The following PDZRN4 variants were observed in gnomAD, a reference collection of about 807,000 sequenced individuals.
PDZRN4 encodes PDZ domain containing ring finger 4.
In PDZRN4, 70 loss-of-function variants were observed where a neutral mutation model predicts 99.0. The observed-to-expected ratio is 0.71, with a 90% CI of 0.58 to 0.86. PDZRN4 has a LOEUF of 0.86. Ranked by LOEUF, PDZRN4 falls within the 40% of genes least tolerant of loss-of-function variation. The pLI is 0.00. For missense variants in PDZRN4, 1,474 were observed against 1,331.2 expected (o/e 1.11, Z -1.67); for synonymous variants, 551 against 501.6 (o/e 1.10, Z -1.32).
At chr12:41,387,291 A>G (rs758453259) in intron 3 of PDZRN4, among the ~76,000 whole-genome samples, 14 of 152,214 alleles carry the variant, frequency 9.2e-5, no homozygotes, top group Non-Finnish European at 1.6e-4. Flanking sequence ...CCCCATTAAA[A>G]AAAGTGCATA....
intron 5 of PDZRN4, among the ~76,000 whole-genome samples, chr12:41,510,184 T>C (rs1938282522): frequency 6.6e-6 from 1 of 152,162 alleles, no homozygotes. Flanking sequence ...TTTTAAAATC[T>C]GTTCTATAAT....
chr12:41,496,314 G>GCAA (rs1938002673), intron 3 of PDZRN4, among the ~76,000 whole-genome samples: 1 of 152,130 alleles, frequency 6.6e-6, no homozygotes, highest in Non-Finnish European at 1.5e-5. Flanking sequence ...GAAGGAAGGA[G>GCAA]GGAGGGAAGG....
At chr12:41,374,125 T>C (rs1952062926) in intron 3 of PDZRN4, among the ~76,000 whole-genome samples, 1 of 150,088 alleles carries the variant, frequency 6.7e-6, no homozygotes, top group African/African-American at 2.4e-5. Flanking sequence ...GGACAGGTCT[T>C]TGCAGTGTTT....
chr12:41,406,968 A>G lies in PDZRN4; in HGVS notation c.844-99488A>G, dbSNP rs555743971. Among the ~76,000 whole-genome samples the G allele has an allele frequency of 1.7e-3, 263 of 152,174 alleles. 2 individuals carry two copies. The highest frequency in any genetic ancestry group is 6.0e-3 in the African/African-American group (250 of 41,538). ...AAATGCAATCCCAACCCATGTTCAT[A>G]GTTTGAATATTGCACTGACAAGAAA... On this transcript the variant is annotated intron_variant, in intron 3 of 9. Transcript: ENST00000402685.
At position 41,572,560 on chromosome 12, in the gene PDZRN4, C is replaced by T; in HGVS notation, c.1781C>T (p.Thr594Ile). 1.2e-6 allele frequency: 2 copies of T among 1,614,142 alleles called. No individual in the cohort carries two copies. Among genetic ancestry groups the T allele is most frequent in the Non-Finnish European group, 8.5e-7 (1 of 1,180,002 alleles). Residue 594 changes from threonine (T) to isoleucine (I), a missense_variant, in exon 10 of 10, where the codon ACT becomes ATT. Transcript: ENST00000402685. ...SKRDLGQSQD[T>I]LGSVELQYNE... ...AGAGACCTGGGGCAGAGCCAAGACACTCTGGGAAGTGTTGAACTTCAGTAC... is the reference window on the plus strand; with the variant it reads ...AGAGACCTGGGGCAGAGCCAAGACATTCTGGGAAGTGTTGAACTTCAGTAC...
chr12:41,273,160 G>A (rs1951326700), intron 3 of PDZRN4, among the ~76,000 whole-genome samples: 1 of 151,930 alleles, frequency 6.6e-6, no homozygotes, highest in African/African-American at 2.4e-5. Context: ...ATTCAAAAAT[G>A]TACATTTTAA....
intron 8 of PDZRN4, among the ~76,000 whole-genome samples, chr12:41,565,747 A>T (rs1426854225): frequency 1.3e-5 from 2 of 152,050 alleles, no homozygotes; most frequent in Non-Finnish European, 2.9e-5. Context: ...TCTTCCTGAG[A>T]CCATTAAAGA....
chr12:41,319,989 T>C (rs1344285155), intron 3 of PDZRN4, among the ~76,000 whole-genome samples: 1 of 152,228 alleles, frequency 6.6e-6, no homozygotes, highest in Non-Finnish European at 1.5e-5. Context: ...CTGTGCAGTA[T>C]GACTTTAGAC....
chr12:41,345,397 G>A (rs947127636), intron 3 of PDZRN4, among the ~76,000 whole-genome samples: 1 of 152,098 alleles, frequency 6.6e-6, no homozygotes, highest in South Asian at 2.1e-4. Flanking sequence ...ACTGTGGATG[G>A]TTAATACTGC....
chr12:41,394,798 T>A lies in PDZRN4; in HGVS notation c.844-111658T>A, dbSNP rs543637296. 8.4e-5 allele frequency among the ~76,000 whole-genome samples: 12 copies of A among 142,482 alleles called. No homozygotes were observed. In the South Asian group the frequency reaches 9.0e-4, roughly 11 times the overall value. 93.5% of individuals were successfully genotyped at this position (142,482 alleles called of 152,430 possible). ...GTAAATGAGAGAGAGAGAGAGAGAG[T>A]GAGTGAATGAGAAATGAGAGAGAGA... On this transcript the variant is annotated intron_variant, in intron 3 of 9. Coordinates refer to ENST00000402685, the MANE Select transcript of PDZRN4 (RefSeq NM_001164595.2).
At chr12:41,329,243 A>G (rs966454936) in intron 3 of PDZRN4, among the ~76,000 whole-genome samples, 2 of 152,100 alleles carry the variant, frequency 1.3e-5, no homozygotes, top group Admixed American at 1.3e-4. Flanking sequence ...CTTGTATTGC[A>G]CACACCCATT....
At chr12:41,308,039 A>G (rs1340769586) in intron 3 of PDZRN4, among the ~76,000 whole-genome samples, 1 of 152,178 alleles carries the variant, frequency 6.6e-6, no homozygotes, top group Non-Finnish European at 1.5e-5. Context: ...CTCCATAACC[A>G]TAGCCCTTCA....
At chr12:41,545,848 G>A (rs1247248457) in intron 5 of PDZRN4, among the ~76,000 whole-genome samples, 1 of 151,952 alleles carries the variant, frequency 6.6e-6, no homozygotes, top group East Asian at 1.9e-4. Context: ...AGCCAAGCAT[G>A]AAGAGAGAGA....
At chr12:41,341,166 A>T (rs368019211) in intron 3 of PDZRN4, among the ~76,000 whole-genome samples, 28 of 4,366 alleles carry the variant, frequency 6.4e-3, no homozygotes, top group African/African-American at 8.0e-3. Flanking sequence ...CTTTCATGAT[A>T]AAAAAAAAAA....
chr12:41,343,197 T>G (rs1003321439), intron 3 of PDZRN4, among the ~76,000 whole-genome samples: 1 of 152,050 alleles, frequency 6.6e-6, no homozygotes, highest in Non-Finnish European at 1.5e-5. Context: ...TTCCAGGAAT[T>G]TATCCATTTC....
chr12:41,471,012 A>G (rs1447283843), intron 3 of PDZRN4, among the ~76,000 whole-genome samples: 2 of 152,200 alleles, frequency 1.3e-5, no homozygotes, highest in African/African-American at 4.8e-5. Flanking sequence ...ACATAAAATC[A>G]TCTAGCTCCA....
intron 3 of PDZRN4, among the ~76,000 whole-genome samples, chr12:41,470,330 CT>C (rs1952974206): frequency 6.6e-6 from 1 of 152,108 alleles, no homozygotes; most frequent in Non-Finnish European, 1.5e-5. Flanking sequence ...AAAAAATTAA[CT>C]TGGTATTGGA....
At chr12:41,487,491 TAG>T (rs1937799217) in intron 3 of PDZRN4, among the ~76,000 whole-genome samples, 1 of 152,124 alleles carries the variant, frequency 6.6e-6, no homozygotes. Flanking sequence ...CAGCTCTAAA[TAG>T]AATAGAAGTT....
intron 3 of PDZRN4, among the ~76,000 whole-genome samples, chr12:41,268,169 A>T (rs1360011891): frequency 6.6e-6 from 1 of 152,170 alleles, no homozygotes; most frequent in African/African-American, 2.4e-5. Context: ...ATACCAGGTA[A>T]TTAACATATT....
Sources: gnomAD v4.1 joint callset for allele counts (sites outside exome capture counted in the v4.1 genomes callset) on GRCh38, gnomAD v4.1.1 for gene constraint, MANE v1.5 for transcripts, NCBI Gene and HGNC (gene_info 2026-07-23, HGNC 2026-07-21) for gene names.